Variants in TRAPPC11 observed in about 807,000 individuals in gnomAD.
TRAPPC11 encodes the protein foie gras homolog.
In TRAPPC11, 104 loss-of-function variants were observed where a neutral mutation model predicts 151.2. The observed-to-expected ratio is 0.69, with a 90% CI of 0.59 to 0.81. TRAPPC11 has a LOEUF of 0.81. TRAPPC11 is among the 30% of genes least tolerant of loss of function. The pLI is 0.00. For missense variants in TRAPPC11, 1,230 were observed against 1,349.6 expected, an observed-to-expected ratio of 0.91 and a Z score of 1.39; for synonymous variants, 456 against 472.3, an observed-to-expected ratio of 0.97 and a Z score of 0.45.
chr4:183,680,274 TACTC>T lies in TRAPPC11; in HGVS notation c.1113+12_1113+15del. On this transcript the variant is annotated splice_region_variant and intron_variant, in intron 10 of 29. Coordinates refer to ENST00000334690, the MANE Select transcript of TRAPPC11 (RefSeq NM_021942.6). ...AACCCTCTGTAACCACGAAGTAAGT[TACTC>T]ACTCCGTATTATCTAGCACATAGAA... 3 of 1,613,856 alleles carry T rather than the reference TACTC, an allele frequency of 1.9e-6. No individual in the cohort carries two copies. The highest frequency in any genetic ancestry group is 1.7e-6 in the Non-Finnish European group (2 of 1,179,936).
At chr4:183,669,585 A>T (rs1464743532) in intron 5 of TRAPPC11, among the ~76,000 whole-genome samples, 1 of 152,216 alleles carries the variant, frequency 6.6e-6, no homozygotes, top group Admixed American at 6.5e-5. Flanking sequence ...CCCTGCTGTA[A>T]TGACTCTTCA....
chr4:183,663,155 C>T lies in TRAPPC11; in HGVS notation c.-21-692C>T, dbSNP rs557701315. 2.0e-4 allele frequency among the ~76,000 whole-genome samples: 30 copies of T among 152,214 alleles called. No homozygotes were observed. The South Asian group carries it at 5.4e-3, about 27-fold the overall frequency. On this transcript the variant is annotated intron_variant, in intron 1 of 29. Coordinates refer to ENST00000334690, the MANE Select transcript of TRAPPC11 (RefSeq NM_021942.6). Reference sequence around the variant, plus strand: ...GATCTTGGCTCACTGGAGCCTCCGCCTCCTGGGTTCAAGTGATTCTCCTGC... The same window carrying T: ...GATCTTGGCTCACTGGAGCCTCCGCTTCCTGGGTTCAAGTGATTCTCCTGC...
intron 27 of TRAPPC11, chr4:183,705,804 C>T (rs183992834): frequency 2.0e-5 from 3 of 152,306 alleles, no homozygotes; most frequent in Non-Finnish European, 2.9e-5. Flanking sequence ...AGTGTATGTG[C>T]TCCCACCAGG....
rs1031224763 is a variant in TRAPPC11, at chr4:183,712,988, G to C, written c.*344G>C. ...CATCCCAAGTGTGACTGGACAAAGA[G>C]AGCAGATGCACCAGTGCCTGTGCCA... On this transcript the variant is annotated 3_prime_UTR_variant, in exon 30 of 30. Transcript: ENST00000334690. 4.0e-6 allele frequency: 1 copy of C among 252,910 alleles called. No homozygotes were observed. Among genetic ancestry groups the C allele is most frequent in the East Asian group, 8.8e-5 (1 of 11,374 alleles). 15.7% of individuals were successfully genotyped at this position (252,910 alleles called of 1,614,324 possible).
intron 26 of TRAPPC11, among the ~76,000 whole-genome samples, chr4:183,704,350 G>A (rs927505527): frequency 7.2e-5 from 11 of 151,812 alleles, no homozygotes; most frequent in South Asian, 2.1e-4. Context: ...GCAGAACCTC[G>A]TCTCTGCTAA....
intron 5 of TRAPPC11, 143 bp downstream of exon 5, chr4:183,668,260 G>C: frequency 2.0e-6 from 1 of 497,348 alleles, no homozygotes; most frequent in Non-Finnish European, 3.5e-6. Context: ...AAAAATAAAA[G>C]TCTTTTTTGT....
rs1333268796 is a variant in TRAPPC11, at chr4:183,694,677, T to C, written c.2582T>C (p.Ile861Thr). The change falls in exon 23 of 30, where the codon ATA becomes ACA. Residue 861 changes from isoleucine to threonine, a missense_variant. Physicochemically the swap from Ile to Thr is moderately conservative, Grantham distance 89 (BLOSUM62 -1). Coordinates refer to ENST00000334690, the MANE Select transcript of TRAPPC11 (RefSeq NM_021942.6). ...TTTCTTGTATATGTTTCTTACCTGA[T>C]AAATACAACCGTTGAAGAAAAAGAA... The part of the protein sequence containing the change: ...RMFLVYVSYL[I>T]NTTVEEKEIV... The C allele has an allele frequency of 1.2e-6, 2 of 1,609,546 alleles. No homozygotes were observed. The highest frequency in any genetic ancestry group is 2.2e-5 in the South Asian group (2 of 89,314).
At chr4:183,667,536 G>A (rs1186938639) in intron 4 of TRAPPC11, among the ~76,000 whole-genome samples, 2 of 152,014 alleles carry the variant, frequency 1.3e-5, no homozygotes, top group African/African-American at 4.8e-5. Flanking sequence ...TTAATTTTCT[G>A]TAGGGCAAAG....
In TRAPPC11 at chr4:183,706,929, G is replaced by T; in HGVS notation, c.3178G>T (p.Gly1060Cys). 6.2e-7 allele frequency: 1 copy of T among 1,614,010 alleles called. No homozygotes were observed. The highest frequency in any genetic ancestry group is 1.7e-4 in the Middle Eastern group (1 of 6,060). The change falls in exon 28 of 30, where the codon GGT becomes TGT. Residue 1060 changes from glycine to cysteine, a missense_variant. Transcript: ENST00000334690. ...GCCCAGTGATGCCTTCATGTTCTCA[G>T]GTCTCAAACAGGTACAGGTCATATC... ...VEPSDAFMFS[G>C]LKQIRLRILP...
chr4:183,667,955 A>G (rs200868795), intron 4 of TRAPPC11, 48 bp from the exon 5 acceptor site: 38 of 1,166,088 alleles, frequency 3.3e-5, no homozygotes, highest in East Asian at 2.6e-4. Context: ...TTGGGAAGCT[A>G]CATTAGTTAT....
At chr4:183,691,278 A>G in intron 18 of TRAPPC11, 38 bp from the exon 19 acceptor site, 1 of 1,425,072 alleles carries the variant, frequency 7.0e-7, no homozygotes, top group Non-Finnish European at 9.3e-7. Flanking sequence ...GGGTTAGCAG[A>G]CATCTGACAT....
At chr4:183,687,181 A>T (rs1245456681) in intron 18 of TRAPPC11, among the ~76,000 whole-genome samples, 4 of 152,010 alleles carry the variant, frequency 2.6e-5, no homozygotes, top group African/African-American at 9.7e-5. Flanking sequence ...TCTGTGTCAA[A>T]AAATATATAT....
chr4:183,697,347 C>T (rs1043200167), intron 23 of TRAPPC11, among the ~76,000 whole-genome samples, 156 bp from the exon 24 acceptor site: 6 of 151,888 alleles, frequency 4.0e-5, no homozygotes, highest in Admixed American at 1.3e-4. Flanking sequence ...TCAGTTCTCT[C>T]GACACAGATT....
intron 5 of TRAPPC11, among the ~76,000 whole-genome samples, chr4:183,670,976 C>T (rs1579166605): frequency 6.6e-6 from 1 of 152,116 alleles, no homozygotes; most frequent in Non-Finnish European, 1.5e-5. Flanking sequence ...ATGATCCACC[C>T]GTCTCAGCCT....
chr4:183,663,569 G>A (rs1413528311), intron 1 of TRAPPC11, among the ~76,000 whole-genome samples: 8 of 152,032 alleles, frequency 5.3e-5, no homozygotes, highest in Non-Finnish European at 8.8e-5. Context: ...AGGTTTCACT[G>A]TGTTGGCTAG....
In TRAPPC11 at chr4:183,697,682, G is replaced by C. The variant is rs748922398; in HGVS notation, c.2698G>C (p.Glu900Gln). The change falls in exon 25 of 30, where the codon GAG becomes CAG. Residue 900 changes from glutamate (E) to glutamine (Q), a missense_variant. Glu to Gln is a conservative substitution (Grantham distance 29, BLOSUM62 2). Coordinates refer to ENST00000334690, the MANE Select transcript of TRAPPC11 (RefSeq NM_021942.6). Reference sequence around the variant, plus strand: ...CTTTTATCTTCATTTGTGACAGTTTGAGCACCTGGAAAGGGTTTATGCTGA... The same window carrying C: ...CTTTTATCTTCATTTGTGACAGTTTCAGCACCTGGAAAGGGTTTATGCTGA... ...VAVKFVSTKF[E>Q]HLERVYADIP... The C allele has an allele frequency of 6.2e-7, 1 of 1,613,848 alleles. No individual in the cohort carries two copies. The highest frequency in any genetic ancestry group is 1.7e-5 in the Admixed American group (1 of 59,916).
At chr4:183,668,709 TTGTG>T (rs1735004070) in intron 5 of TRAPPC11, among the ~76,000 whole-genome samples, 1 of 152,160 alleles carries the variant, frequency 6.6e-6, no homozygotes, top group African/African-American at 2.4e-5. Flanking sequence ...TATAAAGCCT[TTGTG>T]TATAAAGGGC....
intron 29 of TRAPPC11, among the ~76,000 whole-genome samples, chr4:183,712,069 G>A (rs571824344): frequency 6.6e-6 from 1 of 152,314 alleles, no homozygotes; most frequent in South Asian, 2.1e-4. Flanking sequence ...CTTGCAGCAT[G>A]CATTGGAGTT....
chr4:183,672,351 T>G (rs900221132), intron 5 of TRAPPC11, among the ~76,000 whole-genome samples: 8 of 152,160 alleles, frequency 5.3e-5, no homozygotes, highest in African/African-American at 1.9e-4. Flanking sequence ...GGTTGGATTT[T>G]TTTTTATTGT....
Sources: gnomAD v4.1 joint callset for allele counts (sites outside exome capture counted in the v4.1 genomes callset) on GRCh38, gnomAD v4.1.1 for gene constraint, MANE v1.5 for transcripts, NCBI Gene and HGNC (gene_info 2026-07-23, HGNC 2026-07-21) for gene names.